Variants in NBAS observed in about 807,000 individuals in gnomAD.
NBAS encodes NBAS subunit of NRZ tethering complex, also known as NAG/BC035112 fusion.
In NBAS, 219 loss-of-function variants were observed where a neutral mutation model predicts 302.5. That is an observed-to-expected ratio of 0.72 (90% confidence interval 0.65 to 0.81). The LOEUF (loss-of-function observed/expected upper bound fraction) is 0.81. Ranked by LOEUF, NBAS falls within the 30% of genes least tolerant of loss-of-function variation. NBAS has a pLI of 0.00. For missense variants in NBAS, 2,932 were observed against 2,841.6 expected (o/e 1.03, Z -0.72); for synonymous variants, 1,118 against 1,021.6 (o/e 1.09, Z -1.80).
At chr2:14,955,292 C>T in the NBAS span, among the ~76,000 whole-genome samples, 1 of 152,240 alleles carries the variant, frequency 6.6e-6, no homozygotes, top group Non-Finnish European at 1.5e-5. Context: ...CAACTCCAAC[C>T]CTGTGGCTTT....
At chr2:15,361,160 G>A (rs1052997433) in intron 32 of NBAS, among the ~76,000 whole-genome samples, 25 of 152,244 alleles carry the variant, frequency 1.6e-4, no homozygotes, top group African/African-American at 3.4e-4. Flanking sequence ...ATATGAGATC[G>A]TTGTTGACCA....
At chr2:14,874,224 C>A in the NBAS span, among the ~76,000 whole-genome samples, 8 of 152,020 alleles carry the variant, frequency 5.3e-5, no homozygotes, top group South Asian at 8.3e-4. Flanking sequence ...ATAGGTAAAT[C>A]AAAAAATAAA....
chr2:15,189,082 G>C (rs1665221296), intron 49 of NBAS, among the ~76,000 whole-genome samples: 1 of 152,154 alleles, frequency 6.6e-6, no homozygotes, highest in African/African-American at 2.4e-5. Flanking sequence ...CCCACACCAA[G>C]ATCACTGGTG....
chr2:14,901,105 C>T, the NBAS span, among the ~76,000 whole-genome samples: 6 of 152,270 alleles, frequency 3.9e-5, no homozygotes, highest in African/African-American at 1.4e-4. Flanking sequence ...CATTTCTTGT[C>T]CATCTTTGTA....
chr2:14,871,409 A>G, the NBAS span, among the ~76,000 whole-genome samples: 1 of 152,156 alleles, frequency 6.6e-6, no homozygotes, highest in Non-Finnish European at 1.5e-5. Flanking sequence ...ATCCATTGCC[A>G]GCAAATCATA....
chr2:15,542,666 A>T (rs575459231), intron 6 of NBAS, among the ~76,000 whole-genome samples: 87 of 152,238 alleles, frequency 5.7e-4, no homozygotes, highest in Non-Finnish European at 9.7e-4. Flanking sequence ...AATAAAAAAA[A>T]AATCAAACTT....
chr2:14,865,754 G>T, the NBAS span, among the ~76,000 whole-genome samples: 2 of 152,062 alleles, frequency 1.3e-5, no homozygotes, highest in East Asian at 1.9e-4. Context: ...GTGCCTAGAT[G>T]CCTTCTCTAT....
At chr2:15,339,142 G>A (rs533068938) in intron 35 of NBAS, among the ~76,000 whole-genome samples, 1 of 152,118 alleles carries the variant, frequency 6.6e-6, no homozygotes, top group Non-Finnish European at 1.5e-5. Flanking sequence ...AAATAGAGGT[G>A]TATAAGGTAT....
intron 21 of NBAS, among the ~76,000 whole-genome samples, chr2:15,433,028 G>A (rs1222344142): frequency 1.3e-5 from 2 of 152,154 alleles, no homozygotes; most frequent in Non-Finnish European, 2.9e-5. Context: ...CAGCACTCTA[G>A]GATTTGGATT....
At chr2:14,814,819 C>A in the NBAS span, among the ~76,000 whole-genome samples, 1 of 152,110 alleles carries the variant, frequency 6.6e-6, no homozygotes, top group South Asian at 2.1e-4. Context: ...CTCTGTGTCC[C>A]CCCCCAAACT....
In NBAS at chr2:15,211,259, T is replaced by G. The variant is rs113616621; in HGVS notation, c.6432+7514A>C. Among the ~76,000 whole-genome samples the G allele has an allele frequency of 9.2e-3, 1,404 of 152,210 alleles. 24 individuals are homozygous for G. Among genetic ancestry groups the G allele is most frequent in the African/African-American group, 0.032 (1,335 of 41,518 alleles). On this transcript the variant is annotated intron_variant, in intron 48 of 51. Transcript: ENST00000281513. Reference sequence around the variant, plus strand: ...CCCAAAAATATATACACCTACTATGTACCCACAAAAATTAAAAAAATAAAA... The same window carrying G: ...CCCAAAAATATATACACCTACTATGGACCCACAAAAATTAAAAAAATAAAA...
At chr2:14,907,969 C>G in the NBAS span, among the ~76,000 whole-genome samples, 717 of 152,310 alleles carry the variant, frequency 4.7e-3, 7 homozygotes, top group African/African-American at 0.016. Flanking sequence ...GTATCCTCTC[C>G]GAATCAGCAT....
intron 6 of NBAS, among the ~76,000 whole-genome samples, chr2:15,544,590 C>T (rs1208452947): frequency 6.6e-6 from 1 of 152,112 alleles, no homozygotes; most frequent in Non-Finnish European, 1.5e-5. Flanking sequence ...ACATGATAAT[C>T]AATGTCTGAC....
At chr2:15,203,850 CTGTGTGTGTGTGTCTGTGTCTGTG>C (rs879889974) in intron 48 of NBAS, among the ~76,000 whole-genome samples, 4,362 of 143,040 alleles carry the variant, frequency 0.03, 106 homozygotes, top group East Asian at 0.088. Flanking sequence ...GGTGGCATGT[CTGTGTGTGTGTGTCTGTGTCTGTG>C]TGTGTGTGTG....
intron 21 of NBAS, among the ~76,000 whole-genome samples, chr2:15,452,253 T>C (rs1002090700): frequency 2.0e-5 from 3 of 152,166 alleles, no homozygotes; most frequent in African/African-American, 4.8e-5. Context: ...GCAAATTTTA[T>C]GTTAGGTGTA....
At chr2:15,349,810 T>C (rs1673264647) in intron 35 of NBAS, among the ~76,000 whole-genome samples, 1 of 152,134 alleles carries the variant, frequency 6.6e-6, no homozygotes, top group South Asian at 2.1e-4. Flanking sequence ...ATTAATTAAA[T>C]ACATTTAATT....
rs80180429 is a variant in NBAS at position 15,381,729 on chromosome 2, C to T, written c.3360+1486G>A. 5.0e-3 allele frequency among the ~76,000 whole-genome samples: 762 copies of T among 152,206 alleles called. 10 individuals are homozygous for T. The highest frequency in any genetic ancestry group is 0.017 in the African/African-American group (705 of 41,538). On this transcript the variant is annotated intron_variant, in intron 29 of 51. Coordinates refer to ENST00000281513, the MANE Select transcript of NBAS (RefSeq NM_015909.4). ...TTGGTTTCAGGTTTTGCTTTAGATGCAAAAGGGGAAGACAATGGCAGTTGT... is the reference window on the plus strand; with the variant it reads ...TTGGTTTCAGGTTTTGCTTTAGATGTAAAAGGGGAAGACAATGGCAGTTGT...
Position 15,218,124 on chromosome 2 carries a change from T to C in NBAS, c.6432+649A>G, listed in dbSNP as rs531412462. 1.1e-4 allele frequency among the ~76,000 whole-genome samples: 17 copies of C among 152,286 alleles called. No homozygotes were observed. In the South Asian group the frequency reaches 2.5e-3, roughly 22 times the overall value. ...ACGAAGGAAATGAATTAGCTAAATA[T>C]AGAATTACTATATTTCTATTCACAC... On this transcript the variant is annotated intron_variant, in intron 48 of 51. Coordinates refer to ENST00000281513, the MANE Select transcript of NBAS (RefSeq NM_015909.4).
At chr2:14,932,274 C>T in the NBAS span, among the ~76,000 whole-genome samples, 1 of 152,306 alleles carries the variant, frequency 6.6e-6, no homozygotes, top group Non-Finnish European at 1.5e-5. Context: ...CCTAAGAAGG[C>T]TTAAAGAGTT....
Sources: allele counts gnomAD v4.1 joint callset (sites outside exome capture counted in the v4.1 genomes callset), GRCh38; gene constraint gnomAD v4.1.1; transcripts MANE v1.5; gene names NCBI Gene and HGNC (gene_info 2026-07-23, HGNC 2026-07-21).